SNX25: variants seen among roughly 807,000 people sequenced by gnomAD.
SNX25 encodes sorting nexin 25.
SNX25 carries 62 observed loss-of-function variants against 113.7 expected under a neutral mutation model. The ratio of observed to expected loss-of-function variants is 0.55; its 90% CI spans 0.44 to 0.67. The LOEUF (loss-of-function observed/expected upper bound fraction) is 0.67, where lower values mean the gene tolerates loss of function less well. SNX25 is among the 30% of genes least tolerant of loss of function. The pLI, the probability that SNX25 is intolerant of heterozygous loss-of-function variation, is 0.00. For missense variants in SNX25, 1,014 were observed against 1,161.0 expected (o/e 0.87, Z 1.84); for synonymous variants, 421 against 436.2 (o/e 0.97, Z 0.43).
intron 13 of SNX25, among the ~76,000 whole-genome samples, chr4:185,350,857 G>A (rs895097268): frequency 4.6e-5 from 7 of 152,134 alleles, no homozygotes; most frequent in Admixed American, 1.3e-4. Context: ...GTGAGACTCC[G>A]TCTCAAAAAA....
At chr4:185,239,288 C>G (rs560805612) in intron 1 of SNX25, among the ~76,000 whole-genome samples, 36 of 151,810 alleles carry the variant, frequency 2.4e-4, no homozygotes, top group Admixed American at 2.0e-4. Context: ...TCGAGACCAT[C>G]CTGGCCAACA....
At position 185,258,934 on chromosome 4, in the gene SNX25, G is replaced by A. The variant is rs1379605938; in HGVS notation, c.601G>A (p.Glu201Lys). 1 of 1,614,152 alleles carries A rather than the reference G, an allele frequency of 6.2e-7. No individual in the cohort carries two copies. The highest frequency in any genetic ancestry group is 8.5e-7 in the Non-Finnish European group (1 of 1,180,022). ...DEGQLYHLLL[E>K]DFWEIARQLH... The stretch of plus-strand genomic sequence containing the variant: ...GGGACAACTTTACCATCTGCTCTTG[G>A]AAGACTTTTGGGAAATTGCCAGACA... Residue 201 changes from glutamate (E) to lysine (K), a missense_variant, in exon 3 of 19, where the codon GAA (glutamate) becomes AAA (lysine). Coordinates refer to ENST00000652585, the MANE Select transcript of SNX25 (RefSeq NM_001378034.2).
intron 7 of SNX25, among the ~76,000 whole-genome samples, chr4:185,320,145 T>C (rs1267242999): frequency 6.6e-6 from 1 of 152,236 alleles, no homozygotes; most frequent in Non-Finnish European, 1.5e-5. Flanking sequence ...CAAGGGAATA[T>C]AAACCATTCT....
At chr4:185,263,424 G>A (rs1204060476) in intron 3 of SNX25, among the ~76,000 whole-genome samples, 1 of 152,180 alleles carries the variant, frequency 6.6e-6, no homozygotes, top group East Asian at 1.9e-4. Context: ...CAGCGTATCA[G>A]TATATGCATA....
chr4:185,282,856 G>A (rs1750818314), intron 5 of SNX25, among the ~76,000 whole-genome samples: 1 of 152,162 alleles, frequency 6.6e-6, no homozygotes, highest in Admixed American at 6.5e-5. Context: ...CTCAGCACTT[G>A]CAAAGTCGTA....
rs769755465 is a variant in SNX25, at chr4:185,320,801, G to A, written c.1413G>A (p.Arg471=). 2.5e-6 allele frequency: 4 copies of A among 1,606,046 alleles called. No homozygotes were observed. The highest frequency in any genetic ancestry group is 3.4e-6 in the Non-Finnish European group (4 of 1,176,334). Residue 471 remains arginine (R), a synonymous_variant, in exon 8 of 19, where the codon AGG becomes AGA. Transcript: ENST00000652585. ...AGCACTTTGGAATGTACATGGAAAG[G>A]ATGGACAAAAGAGCTCTGATTAGTT... is the stretch of plus-strand genomic sequence containing the variant. ...YREHFGMYME[R]MDKRALISFW...
intron 1 of SNX25, among the ~76,000 whole-genome samples, chr4:185,215,982 A>G (rs1242291239): frequency 1.3e-5 from 2 of 152,088 alleles, no homozygotes; most frequent in African/African-American, 4.8e-5. Context: ...TTTTTGGTAG[A>G]GACGGGGTTT....
At chr4:185,231,384 C>A (rs1281009281) in intron 1 of SNX25, among the ~76,000 whole-genome samples, 2 of 151,158 alleles carry the variant, frequency 1.3e-5, no homozygotes, top group East Asian at 2.0e-4. Flanking sequence ...CAGGCATGAG[C>A]CACCATGCCT....
intron 12 of SNX25, among the ~76,000 whole-genome samples, chr4:185,344,600 C>T (rs1447403157): frequency 6.6e-6 from 1 of 152,130 alleles, no homozygotes; most frequent in African/African-American, 2.4e-5. Flanking sequence ...AAAGGAAACA[C>T]ATACGCAGCC....
chr4:185,244,443 C>T (rs1482456001), intron 1 of SNX25, among the ~76,000 whole-genome samples: 2 of 152,136 alleles, frequency 1.3e-5, no homozygotes, highest in African/African-American at 4.8e-5. Context: ...AATATTACCC[C>T]CAAAATTCGT....
At chr4:185,216,443 C>A (rs561793726) in intron 1 of SNX25, among the ~76,000 whole-genome samples, 1 of 150,426 alleles carries the variant, frequency 6.6e-6, no homozygotes, top group South Asian at 2.1e-4. Flanking sequence ...AGGTACAATG[C>A]ATGATTAAAC....
intron 3 of SNX25, 113 bp downstream of exon 3, chr4:185,259,177 T>A: frequency 2.3e-6 from 2 of 871,606 alleles, no homozygotes; most frequent in Non-Finnish European, 1.8e-6. Context: ...GGCACTTGCT[T>A]GAAAATGTAG....
chr4:185,243,461 C>T (rs1744367217), intron 1 of SNX25, among the ~76,000 whole-genome samples: 1 of 152,038 alleles, frequency 6.6e-6, no homozygotes, highest in African/African-American at 2.4e-5. Flanking sequence ...AAACTTAAAA[C>T]ATAGCGGGAC....
intron 3 of SNX25, among the ~76,000 whole-genome samples, chr4:185,261,459 C>T (rs1293304320): frequency 1.3e-5 from 2 of 152,108 alleles, no homozygotes; most frequent in East Asian, 3.9e-4. Context: ...TTACAGTGAG[C>T]CACTGTGCCC....
At position 185,360,930 on chromosome 4, in the gene SNX25, A is replaced by ATATATATATATAT. The variant is rs1491260048; in HGVS notation, c.2652-994_2652-993insTATATATATATAT. Among the ~76,000 whole-genome samples the ATATATATATATAT allele has an allele frequency of 7.7e-4, 107 of 139,622 alleles. 2 individuals carry two copies. The highest frequency in any genetic ancestry group is 2.8e-3 in the African/African-American group (104 of 36,696). The allele number at this position is 139,622 out of a possible 152,430, so 91.6% of individuals were successfully genotyped here. ...CGAGACTCCGTCTCAAAAAAAAAATAATATATATATATATATATATATAGA... is the reference window on the plus strand; with the variant it reads ...CGAGACTCCGTCTCAAAAAAAAAATATATATATATATATATATATATATATATATATATATAGA... On this transcript the variant is annotated intron_variant, in intron 16 of 18. Transcript: ENST00000652585.
intron 6 of SNX25, among the ~76,000 whole-genome samples, chr4:185,308,861 G>A (rs556596168): frequency 3.9e-4 from 60 of 152,186 alleles, no homozygotes; most frequent in Admixed American, 1.8e-3. Context: ...GAATGTTTCC[G>A]AACTCTAGAC....
At chr4:185,361,784 T>A in intron 16 of SNX25, 140 bp from the exon 17 acceptor site, 1 of 527,888 alleles carries the variant, frequency 1.9e-6, no homozygotes, top group South Asian at 5.7e-5. Flanking sequence ...AGAGCCAGAG[T>A]TTAAAAAATC....
At chr4:185,209,585 C>T (rs1404593517), upstream of SNX25, 41 of 307,326 alleles carry the variant, frequency 1.3e-4, no homozygotes, top group Non-Finnish European at 1.9e-4. The surrounding 1 kb of genome is among the most constrained non-coding windows in gnomAD (Gnocchi z 5.2). Context: ...CCGCGTCAGG[C>T]TGGCCAGGCT....
At chr4:185,271,991 A>T (rs1258847932) in intron 5 of SNX25, among the ~76,000 whole-genome samples, 2 of 152,358 alleles carry the variant, frequency 1.3e-5, no homozygotes, top group Admixed American at 6.5e-5. Context: ...GAGACCTTTT[A>T]AAAAAGTAAG....
Sources: gnomAD v4.1 joint callset for allele counts (sites outside exome capture counted in the v4.1 genomes callset) on GRCh38, gnomAD v4.1.1 for gene constraint, Gnocchi (gnomAD v3.1) non-coding constraint, MANE v1.5 for transcripts, NCBI Gene and HGNC (gene_info 2026-07-23, HGNC 2026-07-21) for gene names.